The following LRRC49 variants were observed in gnomAD, a reference collection of about 807,000 sequenced individuals.
LRRC49 encodes leucine-rich repeat-containing protein 49.
LRRC49 carries 50 observed loss-of-function variants against 83.3 expected under a neutral mutation model. The observed-to-expected ratio is 0.60, with a 90% CI of 0.48 to 0.76. The LOEUF is 0.76. Among genes scored for constraint, LRRC49 ranks in the 30% least tolerant of loss-of-function variants. The pLI, the probability that LRRC49 is intolerant of heterozygous loss-of-function variation, is 0.00. For missense variants in LRRC49, 704 were observed against 809.1 expected (o/e 0.87, Z 1.58); for synonymous variants, 286 against 283.3 (o/e 1.01, Z -0.10).
At chr15:71,031,793 TCA>T (rs1055381373) in intron 14 of LRRC49, among the ~76,000 whole-genome samples, 31 of 152,122 alleles carry the variant, frequency 2.0e-4, no homozygotes, top group African/African-American at 7.2e-4. Context: ...CTTAGCACTG[TCA>T]GGGGAAAACT....
At chr15:71,012,161 C>G (rs1394601175) in intron 13 of LRRC49, among the ~76,000 whole-genome samples, 1 of 152,084 alleles carries the variant, frequency 6.6e-6, no homozygotes. Context: ...TGTAAGCAAC[C>G]CTATTTTATA....
Position 70,915,272 on chromosome 15 carries a change from C to T in LRRC49, c.567+3674C>T, listed in dbSNP as rs1596015033. ...ATATGGGTCTATATACAAGAATTAA[C>T]CATGTTTCTTTTCAGACTTTTCTAA... On this transcript the variant is annotated intron_variant, in intron 6 of 15. Coordinates refer to ENST00000260382, the MANE Select transcript of LRRC49 (RefSeq NM_017691.5). Among the ~76,000 whole-genome samples, 9 of 152,252 alleles carry T rather than the reference C, an allele frequency of 5.9e-5. 1 individual carries two copies. The South Asian group carries it at 1.9e-3, about 32-fold the overall frequency.
chr15:70,872,963 G>C (rs1478507973), exon 2 of LRRC49: 1 of 473,660 alleles, frequency 2.1e-6, no homozygotes, highest in Admixed American at 3.3e-5. Flanking sequence ...CTCGCTCACT[G>C]CAACCTCCAC....
chr15:70,893,660 G>A lies in LRRC49; in HGVS notation c.105+20G>A, dbSNP rs1282567756. ...AACAAAGTAAGATTTAAGAAGGTTG[G>A]CATTTAAATTGAAGATTGTTTTAAA... On this transcript the variant is annotated intron_variant, in intron 2 of 15. Coordinates refer to ENST00000260382, the MANE Select transcript of LRRC49 (RefSeq NM_017691.5). 5 of 1,590,302 alleles carry A rather than the reference G, an allele frequency of 3.1e-6. No homozygotes were observed. The highest frequency in any genetic ancestry group is 1.7e-5 in the Admixed American group (1 of 59,512).
At chr15:70,884,841 A>G (rs886222708) in intron 2 of LRRC49, among the ~76,000 whole-genome samples, 1 of 152,304 alleles carries the variant, frequency 6.6e-6, no homozygotes, top group South Asian at 2.1e-4. Context: ...CCATACAGAG[A>G]AGCAAAAAGA....
chr15:70,988,577 T>C (rs2037727842), intron 11 of LRRC49, among the ~76,000 whole-genome samples: 1 of 151,896 alleles, frequency 6.6e-6, no homozygotes, highest in South Asian at 2.1e-4. Context: ...TGATGGGTCT[T>C]GACTCTTTAT....
At chr15:70,988,652 G>A (rs1450109878) in intron 11 of LRRC49, among the ~76,000 whole-genome samples, 1 of 151,476 alleles carries the variant, frequency 6.6e-6, no homozygotes, top group African/African-American at 2.4e-5. Flanking sequence ...AGTTAATATT[G>A]TTATGTGTGA....
chr15:70,890,433 A>C (rs2033524274), upstream of LRRC49, among the ~76,000 whole-genome samples: 1 of 152,250 alleles, frequency 6.6e-6, no homozygotes, highest in African/African-American at 2.4e-5. Context: ...TCATGTAATC[A>C]TTCCATAAAT....
intron 9 of LRRC49, among the ~76,000 whole-genome samples, chr15:70,969,017 T>C (rs183482439): frequency 7.7e-4 from 117 of 152,356 alleles, no homozygotes; most frequent in Middle Eastern, 3.4e-3. Context: ...TTGGCTTTTG[T>C]TACCGTTGCT....
chr15:71,042,171 T>A (rs184714100), intron 15 of LRRC49, among the ~76,000 whole-genome samples: 161 of 152,326 alleles, frequency 1.1e-3, no homozygotes, highest in African/African-American at 3.7e-3. Flanking sequence ...ATTGTGTTTT[T>A]TGTTTTTGTT....
intron 9 of LRRC49, among the ~76,000 whole-genome samples, chr15:70,967,641 AG>A (rs2141204155): frequency 6.6e-6 from 1 of 152,262 alleles, no homozygotes; most frequent in African/African-American, 2.4e-5. Context: ...ATCTAGAGCA[AG>A]GGTTGGCAAA....
At chr15:71,038,482 T>C (rs1448468608) in intron 15 of LRRC49, among the ~76,000 whole-genome samples, 1 of 152,104 alleles carries the variant, frequency 6.6e-6, no homozygotes, top group Non-Finnish European at 1.5e-5. Flanking sequence ...CCTTTTCCTT[T>C]CCTTTCCTTC....
chr15:70,982,771 T>G (rs1372316413), intron 10 of LRRC49, among the ~76,000 whole-genome samples: 1 of 152,156 alleles, frequency 6.6e-6, no homozygotes, highest in Non-Finnish European at 1.5e-5. Context: ...TGTGCACCAC[T>G]GCACTCCCCC....
At chr15:70,941,724 TG>T (rs1228964737) in intron 8 of LRRC49, among the ~76,000 whole-genome samples, 1 of 152,206 alleles carries the variant, frequency 6.6e-6, no homozygotes, top group Non-Finnish European at 1.5e-5. Context: ...GCATTAATGC[TG>T]TAAGTACAAA....
chr15:70,999,240 A>G (rs1041693159), intron 11 of LRRC49, among the ~76,000 whole-genome samples: 81 of 152,142 alleles, frequency 5.3e-4, no homozygotes, highest in African/African-American at 1.9e-3. Context: ...TGTATGCATC[A>G]TATTTTTTGT....
intron 1 of LRRC49, among the ~76,000 whole-genome samples, chr15:70,856,937 A>G (rs2032669504): frequency 6.6e-6 from 1 of 152,068 alleles, no homozygotes. Context: ...GAGCCGTGGC[A>G]GGGGAAGGGA....
At chr15:70,883,241 G>A (rs981001605) in intron 2 of LRRC49, among the ~76,000 whole-genome samples, 1 of 151,698 alleles carries the variant, frequency 6.6e-6, no homozygotes, top group Admixed American at 6.6e-5. Flanking sequence ...GCCCAAGCTG[G>A]AGCGCAATGG....
At chr15:70,972,799 T>G (rs542582303) in intron 9 of LRRC49, among the ~76,000 whole-genome samples, 2 of 152,102 alleles carry the variant, frequency 1.3e-5, no homozygotes, top group Non-Finnish European at 2.9e-5. Context: ...TTGTGTACGC[T>G]TCACGAAATT....
intron 15 of LRRC49, among the ~76,000 whole-genome samples, chr15:71,041,007 G>T (rs2039685402): frequency 6.6e-6 from 1 of 152,008 alleles, no homozygotes; most frequent in Admixed American, 6.6e-5. Flanking sequence ...CAGCTGCAAG[G>T]AACTGAATTC....
Sources: gnomAD v4.1 joint callset for allele counts (sites outside exome capture counted in the v4.1 genomes callset) on GRCh38, gnomAD v4.1.1 for gene constraint, MANE v1.5 for transcripts, NCBI Gene and HGNC (gene_info 2026-07-23, HGNC 2026-07-21) for gene names.